Variants in SLC12A9 observed in about 807,000 individuals in gnomAD.
The protein encoded by SLC12A9 is CCC-interacting protein 1.
In SLC12A9, 55 loss-of-function variants were observed where a neutral mutation model predicts 66.0. That is an observed-to-expected ratio of 0.83 (90% CI 0.67 to 1.04). SLC12A9 has a LOEUF of 1.04. Among genes scored for constraint, SLC12A9 ranks in the 50% least tolerant of loss-of-function variants. The pLI, the probability that SLC12A9 is intolerant of heterozygous loss-of-function variation, is 0.00. For synonymous variants in SLC12A9, 577 were observed against 569.0 expected (o/e 1.01, Z -0.20); for missense variants, 1,061 against 1,241.9 (o/e 0.85, Z 2.19).
intron 1 of SLC12A9, among the ~76,000 whole-genome samples, chr7:100,831,131 C>A (rs771915118): frequency 1.4e-4 from 22 of 152,162 alleles, no homozygotes; most frequent in Admixed American, 2.6e-4. Flanking sequence ...TCGGTACTTG[C>A]GCATAGCATC....
chr7:100,838,157 G>A (rs1386117743), intron 1 of SLC12A9, among the ~76,000 whole-genome samples: 2 of 151,704 alleles, frequency 1.3e-5, no homozygotes, highest in East Asian at 2.0e-4. Context: ...CACCGCACCC[G>A]GCTATTTCAA....
intron 3 of SLC12A9, chr7:100,855,485 G>A: frequency 3.7e-6 from 2 of 539,596 alleles, no homozygotes; most frequent in Non-Finnish European, 6.7e-6. Context: ...GATCAACATT[G>A]CCCTGCACGT....
At chr7:100,827,652 G>A (rs1048762313) in intron 1 of SLC12A9, 1 of 152,216 alleles carries the variant, frequency 6.6e-6, no homozygotes, top group Non-Finnish European at 1.5e-5. Flanking sequence ...TAATTCATGA[G>A]GGAAGCGGAG....
At chr7:100,827,753 T>C (rs1241077558) in intron 1 of SLC12A9, among the ~76,000 whole-genome samples, 1 of 152,108 alleles carries the variant, frequency 6.6e-6, no homozygotes, top group East Asian at 1.9e-4. Flanking sequence ...ACCGCCCAGA[T>C]GTGCGCCGTG....
chr7:100,830,083 G>A (rs759479012), intron 1 of SLC12A9, among the ~76,000 whole-genome samples: 1 of 147,072 alleles, frequency 6.8e-6, no homozygotes, highest in Non-Finnish European at 1.5e-5. Context: ...TGGGCGCAGT[G>A]GCTCACACCT....
chr7:100,860,465 G>T (rs1562993583), intron 9 of SLC12A9: 5 of 557,856 alleles, frequency 9.0e-6, no homozygotes, highest in Non-Finnish European at 1.6e-5. Context: ...GGCACTTTTT[G>T]GGGTACACGG....
chr7:100,838,968 T>C (rs1373970993), intron 1 of SLC12A9, among the ~76,000 whole-genome samples: 1 of 152,028 alleles, frequency 6.6e-6, no homozygotes, highest in Non-Finnish European at 1.5e-5. Context: ...CACATACCCC[T>C]GCTTGCTCAA....
intron 4 of SLC12A9, chr7:100,856,090 A>T: frequency 2.9e-6 from 1 of 347,860 alleles, no homozygotes. Flanking sequence ...ACCACCAGGG[A>T]GAGCTAAGAT....
At chr7:100,843,779 G>C (rs895143054) in intron 1 of SLC12A9, among the ~76,000 whole-genome samples, 1 of 152,198 alleles carries the variant, frequency 6.6e-6, no homozygotes, top group Non-Finnish European at 1.5e-5. Context: ...AGCTTGCTAT[G>C]TGAAAATCCC....
chr7:100,861,659 T>C lies in SLC12A9; in HGVS notation c.1536+75T>C. On this transcript the variant is annotated intron_variant, in intron 11 of 13. Coordinates refer to ENST00000354161, the MANE Select transcript of SLC12A9 (RefSeq NM_020246.4). The surrounding 1 kb of genome is among the most constrained non-coding windows in gnomAD (Gnocchi z 5.3). The stretch of plus-strand genomic sequence containing the variant: ...CCCCTCTCTCTTTGGCTGGAGTTGG[T>C]GCTCCCGTCCAGGAGGCGCTGAACG... The C allele has an allele frequency of 1.2e-6, 2 of 1,608,240 alleles. No individual in the cohort carries two copies. Among genetic ancestry groups the C allele is most frequent in the South Asian group, 1.1e-5 (1 of 90,976 alleles).
chr7:100,839,706 AG>A (rs1813742126), intron 1 of SLC12A9, among the ~76,000 whole-genome samples: 1 of 152,202 alleles, frequency 6.6e-6, no homozygotes, highest in African/African-American at 2.4e-5. Context: ...ACGGGCACTT[AG>A]AGTCTGGACA....
At chr7:100,862,608 C>G in intron 12 of SLC12A9, 73 bp from the exon 13 acceptor site, 15 of 1,573,444 alleles carry the variant, frequency 9.5e-6, no homozygotes, top group Non-Finnish European at 1.3e-5. Context: ...CCAGGCCCGT[C>G]TGTGATTTGG....
Position 100,836,723 on chromosome 7 carries a change from C to T in SLC12A9, n.228+9676C>T, listed in dbSNP as rs182385747. On this transcript the variant is annotated intron_variant and non_coding_transcript_variant, in intron 1 of 1. Coordinates refer to the SLC12A9 transcript ENST00000461016. The stretch of plus-strand genomic sequence containing the variant: ...AGGGCGCCCTGCTCAGCTCGCCTCT[C>T]TTCCCGAGAGTCTTTTGTTTGCTGG... Among the ~76,000 whole-genome samples, 923 of 152,260 alleles carry T rather than the reference C, an allele frequency of 6.1e-3. 7 individuals carry two copies. The highest frequency in any genetic ancestry group is 0.021 in the African/African-American group (884 of 41,532).
At chr7:100,845,250 G>A (rs1029682330) in intron 1 of SLC12A9, among the ~76,000 whole-genome samples, 1 of 150,150 alleles carries the variant, frequency 6.7e-6, no homozygotes, top group Admixed American at 6.7e-5. Flanking sequence ...AGGACTGGAC[G>A]GCCCCCACTA....
chr7:100,864,212 G>T (rs1377508436), intron 13 of SLC12A9, among the ~76,000 whole-genome samples: 1 of 151,728 alleles, frequency 6.6e-6, no homozygotes. Flanking sequence ...CAAGTAGCTG[G>T]GACTACAGAT....
rs536576971 is a variant in SLC12A9 at position 100,842,278 on chromosome 7, A to G, written n.228+15231A>G. Among the ~76,000 whole-genome samples, 4 of 152,322 alleles carry G rather than the reference A, an allele frequency of 2.6e-5. No individual in the cohort carries two copies. In the East Asian group the frequency reaches 5.8e-4, roughly 22 times the overall value. On this transcript the variant is annotated intron_variant and non_coding_transcript_variant, in intron 1 of 1. Coordinates refer to the SLC12A9 transcript ENST00000461016. ...TTACTCTTTCTTCTTTCCTCATTCT[A>G]TTGCTGACCATCTAGTTATTAACAT...
At chr7:100,856,050 AC>A in intron 4 of SLC12A9, 1 of 589,662 alleles carries the variant, frequency 1.7e-6, no homozygotes, top group Non-Finnish European at 2.6e-6. Context: ...AATCGGAGAG[AC>A]CAGGCTAAGA....
At chr7:100,851,799 A>AG (rs1814090673), upstream of SLC12A9, among the ~76,000 whole-genome samples, 1 of 151,288 alleles carries the variant, frequency 6.6e-6, no homozygotes, top group Non-Finnish European at 1.5e-5. Flanking sequence ...AAAAAAAAAA[A>AG]AAAAAAAGGA....
chr7:100,858,771 C>A (rs996341149), intron 5 of SLC12A9, 64 bp from the exon 6 acceptor site: 11 of 1,513,902 alleles, frequency 7.3e-6, no homozygotes, highest in Non-Finnish European at 9.1e-6. Flanking sequence ...GAGAGGGTGG[C>A]TAAGAGGCCT....
Sources: allele counts gnomAD v4.1 joint callset (sites outside exome capture counted in the v4.1 genomes callset), GRCh38; gene constraint gnomAD v4.1.1; non-coding constraint Gnocchi (gnomAD v3.1); transcripts MANE v1.5; gene names NCBI Gene and HGNC (gene_info 2026-07-23, HGNC 2026-07-21).